The following EXT1 variants were observed in gnomAD, a reference collection of about 807,000 sequenced individuals.
EXT1 encodes exostosin-1.
A neutral mutation model predicts 82.5 loss-of-function variants in EXT1; 20 were observed. The observed-to-expected ratio is 0.24, with a 90% CI of 0.17 to 0.35. The LOEUF (loss-of-function observed/expected upper bound fraction) is 0.35, where lower values mean the gene tolerates loss of function less well. Ranked by LOEUF, EXT1 falls within the 10% of genes least tolerant of loss-of-function variation. EXT1 has a pLI of 1.00. For missense variants in EXT1, 757 were observed against 936.5 expected, an observed-to-expected ratio of 0.81 and a Z score of 2.50; for synonymous variants, 348 against 350.8, an observed-to-expected ratio of 0.99 and a Z score of 0.09.
intron 1 of EXT1, among the ~76,000 whole-genome samples, chr8:118,038,533 G>A (rs1278600214): frequency 6.6e-6 from 1 of 152,106 alleles, no homozygotes; most frequent in Non-Finnish European, 1.5e-5. Context: ...AAACAGCTCA[G>A]GTCAGCTGCA....
chr8:118,089,674 A>C (rs1817487861), intron 1 of EXT1, among the ~76,000 whole-genome samples: 1 of 152,254 alleles, frequency 6.6e-6, no homozygotes, highest in South Asian at 2.1e-4. Context: ...CACATTCGCC[A>C]GATTATTAAA....
At chr8:118,093,740 C>T (rs1817562336) in intron 1 of EXT1, among the ~76,000 whole-genome samples, 1 of 152,232 alleles carries the variant, frequency 6.6e-6, no homozygotes, top group African/African-American at 2.4e-5. Flanking sequence ...TCCAATATGT[C>T]TGAATGCTCC....
chr8:117,992,275 C>T (rs1297250475), intron 1 of EXT1, among the ~76,000 whole-genome samples: 1 of 151,752 alleles, frequency 6.6e-6, no homozygotes, highest in Non-Finnish European at 1.5e-5. Context: ...AATTACTGCC[C>T]CAACTTCGGA....
intron 1 of EXT1, among the ~76,000 whole-genome samples, chr8:117,842,100 TAA>T (rs1172096178): frequency 3.3e-5 from 5 of 152,234 alleles, no homozygotes; most frequent in Non-Finnish European, 5.9e-5. Flanking sequence ...TGATGCACCC[TAA>T]ATTTTCAGAA....
At chr8:117,913,601 A>G (rs1001544606) in intron 1 of EXT1, among the ~76,000 whole-genome samples, 7 of 152,152 alleles carry the variant, frequency 4.6e-5, no homozygotes, top group African/African-American at 1.7e-4. Flanking sequence ...GCTGGTTTCC[A>G]TCTCCATGAT....
chr8:117,812,851 T>A (rs1418391012), intron 8 of EXT1, 21 bp downstream of exon 8: 1 of 1,610,516 alleles, frequency 6.2e-7, no homozygotes, highest in Non-Finnish European at 8.5e-7. Context: ...CACCTGCTGC[T>A]CCTCAGGCAT....
intron 1 of EXT1, among the ~76,000 whole-genome samples, chr8:117,884,326 C>T (rs1213971107): frequency 2.0e-5 from 3 of 152,180 alleles, no homozygotes; most frequent in African/African-American, 7.2e-5. Flanking sequence ...TGGCAAATAT[C>T]CCTTTGGTGT....
chr8:118,042,278 C>G (rs893799518), intron 1 of EXT1, among the ~76,000 whole-genome samples: 3 of 151,848 alleles, frequency 2.0e-5, no homozygotes, highest in Non-Finnish European at 4.4e-5. Context: ...CCAAATCCAC[C>G]TTGGTTTAGT....
intron 1 of EXT1, among the ~76,000 whole-genome samples, chr8:118,042,237 G>C (rs1462425991): frequency 6.6e-6 from 1 of 152,140 alleles, no homozygotes; most frequent in Non-Finnish European, 1.5e-5. Context: ...CAACAACAAA[G>C]GAGCTCAATC....
At chr8:117,903,738 G>A (rs1260688965) in intron 1 of EXT1, among the ~76,000 whole-genome samples, 2 of 152,072 alleles carry the variant, frequency 1.3e-5, no homozygotes, top group African/African-American at 2.4e-5. Context: ...AAATTAAATG[G>A]CGCCTCTAAT....
At chr8:117,828,419 C>T (rs923379490) in intron 4 of EXT1, among the ~76,000 whole-genome samples, 18 of 151,748 alleles carry the variant, frequency 1.2e-4, no homozygotes, top group Non-Finnish European at 7.4e-5. Flanking sequence ...CACAGTAGCT[C>T]GCGCCCATGG....
intron 1 of EXT1, among the ~76,000 whole-genome samples, chr8:117,863,296 C>T (rs17452854): frequency 0.4 from 50,622 of 125,304 alleles, 14,106 homozygotes; most frequent in Non-Finnish European, 0.55. Flanking sequence ...AGAACCCAGA[C>T]TGGAACGGTA....
chr8:117,823,329 G>C (rs1351552661), intron 4 of EXT1, among the ~76,000 whole-genome samples: 1 of 152,020 alleles, frequency 6.6e-6, no homozygotes, highest in Non-Finnish European at 1.5e-5. Flanking sequence ...TCTACATTTA[G>C]AGTCAAACAT....
chr8:117,837,458 G>C (rs950502426), intron 1 of EXT1, among the ~76,000 whole-genome samples: 1 of 152,074 alleles, frequency 6.6e-6, no homozygotes, highest in African/African-American at 2.4e-5. Flanking sequence ...GATCGTTCTG[G>C]CAACAATTTG....
At chr8:117,981,690 C>T (rs967061221) in intron 1 of EXT1, among the ~76,000 whole-genome samples, 17 of 151,136 alleles carry the variant, frequency 1.1e-4, no homozygotes, top group African/African-American at 3.9e-4. Context: ...GCCAACATGG[C>T]GAAACCCCAG....
chr8:117,849,961 A>C (rs1487991998), intron 1 of EXT1, among the ~76,000 whole-genome samples: 1 of 152,246 alleles, frequency 6.6e-6, no homozygotes, highest in Non-Finnish European at 1.5e-5. Context: ...TGGAATAGCT[A>C]ATTTGTTACC....
chr8:118,079,596 A>G (rs930900111), intron 1 of EXT1, among the ~76,000 whole-genome samples: 2 of 152,178 alleles, frequency 1.3e-5, no homozygotes, highest in African/African-American at 4.8e-5. Flanking sequence ...TACCTGCCTC[A>G]TCACCAAGGA....
At chr8:118,028,524 C>T (rs1255680210) in intron 1 of EXT1, among the ~76,000 whole-genome samples, 1 of 151,676 alleles carries the variant, frequency 6.6e-6, no homozygotes, top group Non-Finnish European at 1.5e-5. Context: ...TATAGATATA[C>T]ATATGACACT....
At chr8:118,056,183 T>C (rs577833781) in intron 1 of EXT1, among the ~76,000 whole-genome samples, 13 of 152,362 alleles carry the variant, frequency 8.5e-5, no homozygotes, top group Non-Finnish European at 1.6e-4. Context: ...AGGCCACAGG[T>C]TGGACAAACT....
Sources: allele counts gnomAD v4.1 joint callset (sites outside exome capture counted in the v4.1 genomes callset), GRCh38; gene constraint gnomAD v4.1.1; transcripts MANE v1.5; gene names NCBI Gene and HGNC (gene_info 2026-07-23, HGNC 2026-07-21).